NRG3: variants seen among roughly 807,000 people sequenced by gnomAD.
The protein encoded by NRG3 is neuregulin 3, also known as pro-neuregulin-3, membrane-bound isoform.
A neutral mutation model predicts 66.9 loss-of-function variants in NRG3; 31 were observed. The ratio of observed to expected loss-of-function variants is 0.46; its 90% CI spans 0.35 to 0.63. NRG3 has a LOEUF of 0.63. Ranked by LOEUF, NRG3 falls within the 20% of genes least tolerant of loss-of-function variation. NRG3 has a pLI of 0.00. For synonymous variants in NRG3, 393 were observed against 359.4 expected (o/e 1.09, Z -1.06); for missense variants, 910 against 878.9 (o/e 1.04, Z -0.45).
chr10:82,254,154 T>C lies in NRG3; in HGVS notation c.824-104585T>C, dbSNP rs182959799. ...TTTAGAATATTTACATATGTACTTA[T>C]ATTTTTAAATTCTATCTTGGAAATC... On this transcript the variant is annotated intron_variant, in intron 1 of 8. Transcript: ENST00000372141. Among the ~76,000 whole-genome samples the C allele has an allele frequency of 6.9e-3, 1,046 of 152,342 alleles. 5 individuals carry two copies. Among genetic ancestry groups the C allele is most frequent in the Non-Finnish European group, 9.3e-3 (635 of 68,036 alleles).
chr10:82,166,439 C>T (rs1410231952), intron 1 of NRG3, among the ~76,000 whole-genome samples: 1 of 152,110 alleles, frequency 6.6e-6, no homozygotes, highest in Non-Finnish European at 1.5e-5. Flanking sequence ...CTATTAAAAT[C>T]TATATTTGTG....
intron 1 of NRG3, among the ~76,000 whole-genome samples, chr10:81,932,898 G>A (rs996713357): frequency 1.3e-5 from 2 of 151,986 alleles, no homozygotes; most frequent in Non-Finnish European, 2.9e-5. Context: ...CACAAGGTGA[G>A]GAGTTCAAGA....
chr10:82,372,819 C>T lies in NRG3; in HGVS notation c.953+13951C>T, dbSNP rs563545080. Among the ~76,000 whole-genome samples, 22 of 152,310 alleles carry T rather than the reference C, an allele frequency of 1.4e-4. 1 individual carries two copies. In the South Asian group the frequency reaches 4.6e-3, roughly 32 times the overall value. On this transcript the variant is annotated intron_variant, in intron 2 of 8. Transcript: ENST00000372141. ...ATGTTGGCCAGGCTGGTCTCAAACT[C>T]CAGGCCTCAAGGGATCCACTCACCT...
chr10:82,955,833 C>T (rs981238842), intron 5 of NRG3, among the ~76,000 whole-genome samples: 1 of 151,878 alleles, frequency 6.6e-6, no homozygotes, highest in Admixed American at 6.5e-5. Context: ...GAAGAGTCAC[C>T]TTTCTCAATC....
chr10:82,394,487 G>A lies in NRG3; in HGVS notation c.953+35619G>A, dbSNP rs528463010. 2.0e-4 allele frequency among the ~76,000 whole-genome samples: 30 copies of A among 152,248 alleles called. No homozygotes were observed. In the South Asian group the frequency reaches 5.0e-3, roughly 25 times the overall value. ...CAGTCTGGGATAGTGAGAAATTTAT[G>A]GAATGGGCTCTTTTTTCCATTTCTA... On this transcript the variant is annotated intron_variant, in intron 2 of 8. Coordinates refer to ENST00000372141, the MANE Select transcript of NRG3 (RefSeq NM_001010848.4).
At chr10:82,198,534 G>T (rs1036307093) in intron 1 of NRG3, among the ~76,000 whole-genome samples, 4 of 152,092 alleles carry the variant, frequency 2.6e-5, no homozygotes, top group African/African-American at 9.7e-5. Context: ...TCAACTTCTT[G>T]TACAGTCACA....
chr10:82,252,891 G>T (rs375190051), intron 1 of NRG3, among the ~76,000 whole-genome samples: 45 of 152,174 alleles, frequency 3.0e-4, no homozygotes, highest in African/African-American at 1.0e-3. Flanking sequence ...CCACTAAGCC[G>T]TGGATGTTCT....
rs186248579 is a variant in NRG3, at chr10:82,772,780, A to G, written c.1027+34130A>G. ...GAATATACTGATGTGATCATAGTTC[A>G]TTGCAGCCTCGACCTCCTGGGCTCA... is the stretch of plus-strand genomic sequence containing the variant. On this transcript the variant is annotated intron_variant, in intron 3 of 8. Coordinates refer to ENST00000372141, the MANE Select transcript of NRG3 (RefSeq NM_001010848.4). Among the ~76,000 whole-genome samples, 27 of 135,708 alleles carry G rather than the reference A, an allele frequency of 2.0e-4. No individual in the cohort carries two copies. The East Asian group carries it at 4.5e-3, about 23-fold the overall frequency. The allele number at this position is 135,708 out of a possible 152,430, so 89.0% of individuals were successfully genotyped here.
At chr10:82,414,138 C>G (rs934086467) in intron 2 of NRG3, among the ~76,000 whole-genome samples, 1 of 152,084 alleles carries the variant, frequency 6.6e-6, no homozygotes, top group Non-Finnish European at 1.5e-5. Flanking sequence ...TGACATGCCT[C>G]CCTCACTAAG....
chr10:82,418,195 A>G (rs1202650156), intron 2 of NRG3, among the ~76,000 whole-genome samples: 2 of 152,182 alleles, frequency 1.3e-5, no homozygotes, highest in Admixed American at 1.3e-4. Flanking sequence ...AAGGCAGTTC[A>G]CCTTCTCTCC....
At chr10:82,221,497 C>T (rs1428124903) in intron 1 of NRG3, among the ~76,000 whole-genome samples, 1 of 152,096 alleles carries the variant, frequency 6.6e-6, no homozygotes, top group Non-Finnish European at 1.5e-5. Context: ...CTCTACAAAA[C>T]CTGCCAGGAC....
chr10:81,918,407 T>C (rs1289140037), intron 1 of NRG3, among the ~76,000 whole-genome samples: 1 of 152,218 alleles, frequency 6.6e-6, no homozygotes, highest in East Asian at 1.9e-4. Flanking sequence ...TAAACACAAG[T>C]ATAAATCTGT....
intron 2 of NRG3, among the ~76,000 whole-genome samples, chr10:82,457,772 T>C (rs2091338686): frequency 6.6e-6 from 1 of 152,152 alleles, no homozygotes; most frequent in Non-Finnish European, 1.5e-5. Context: ...TGAATGTCAG[T>C]GAAGGTTACC....
At chr10:82,591,612 C>T (rs1282150409) in intron 2 of NRG3, among the ~76,000 whole-genome samples, 2 of 151,950 alleles carry the variant, frequency 1.3e-5, no homozygotes, top group African/African-American at 4.8e-5. Context: ...CTCTTTGAAC[C>T]CTTGCGTCAA....
chr10:81,971,970 T>C (rs1228167497), intron 1 of NRG3, among the ~76,000 whole-genome samples: 1 of 152,102 alleles, frequency 6.6e-6, no homozygotes, highest in Non-Finnish European at 1.5e-5. Flanking sequence ...GTTTTGGAAA[T>C]AACTACCCAA....
At chr10:82,048,891 G>A (rs1412419291) in intron 1 of NRG3, among the ~76,000 whole-genome samples, 2 of 151,766 alleles carry the variant, frequency 1.3e-5, no homozygotes, top group Admixed American at 6.6e-5. Flanking sequence ...GAATCAAATA[G>A]ATGCAATAAA....
chr10:82,067,662 C>T (rs2064562682), intron 1 of NRG3, among the ~76,000 whole-genome samples: 1 of 152,176 alleles, frequency 6.6e-6, no homozygotes, highest in South Asian at 2.1e-4. Flanking sequence ...TGTTTGCACT[C>T]CTGCTGACAG....
At chr10:82,599,339 T>A (rs2047476786) in intron 2 of NRG3, among the ~76,000 whole-genome samples, 1 of 152,138 alleles carries the variant, frequency 6.6e-6, no homozygotes. Context: ...GCTCTTTTCT[T>A]AGTCATGGAT....
At chr10:82,313,059 T>A (rs2081114420) in intron 1 of NRG3, among the ~76,000 whole-genome samples, 1 of 152,156 alleles carries the variant, frequency 6.6e-6, no homozygotes, top group Non-Finnish European at 1.5e-5. Flanking sequence ...ACACCTGTAG[T>A]CCCAGTTACT....
Sources: gnomAD v4.1 joint callset for allele counts (sites outside exome capture counted in the v4.1 genomes callset) on GRCh38, gnomAD v4.1.1 for gene constraint, MANE v1.5 for transcripts, NCBI Gene and HGNC (gene_info 2026-07-23, HGNC 2026-07-21) for gene names.